The following CNTNAP4 variants were observed in gnomAD, a reference collection of about 807,000 sequenced individuals.
CNTNAP4 encodes contactin associated protein family member 4.
In CNTNAP4, 98 loss-of-function variants were observed where a neutral mutation model predicts 148.4. The observed-to-expected ratio is 0.66, with a 90% confidence interval of 0.56 to 0.78. The LOEUF is 0.78. CNTNAP4 is among the 30% of genes least tolerant of loss of function. The pLI, the probability that CNTNAP4 is intolerant of heterozygous loss-of-function variation, is 0.00. For synonymous variants in CNTNAP4, 730 were observed against 565.1 expected (o/e 1.29, Z -4.14); for missense variants, 1,935 against 1,565.6 (o/e 1.24, Z -3.98).
At chr16:76,436,956 A>G (rs2079850173) in intron 4 of CNTNAP4, among the ~76,000 whole-genome samples, 1 of 85,036 alleles carries the variant, frequency 1.2e-5, no homozygotes. Context: ...TCTGACTAAT[A>G]CAGAATATCT....
chr16:76,325,860 T>G (rs1444187088), intron 2 of CNTNAP4, among the ~76,000 whole-genome samples: 1 of 152,156 alleles, frequency 6.6e-6, no homozygotes, highest in Non-Finnish European at 1.5e-5. Flanking sequence ...AACTTTCTGC[T>G]AATTTTGAGA....
chr16:76,476,825 T>G lies in CNTNAP4; in HGVS notation c.1762+780T>G, dbSNP rs115339588. Among the ~76,000 whole-genome samples the G allele has an allele frequency of 6.8e-3, 1,029 of 152,292 alleles. 13 individuals are homozygous for G. The highest frequency in any genetic ancestry group is 0.023 in the African/African-American group (970 of 41,556). ...CCATATTGGGGACTAGGTTTCAACA[T>G]ACACGTTTTGAGGGGACACAAACCT... On this transcript the variant is annotated intron_variant, in intron 11 of 23. Coordinates refer to ENST00000611870, the MANE Select transcript of CNTNAP4 (RefSeq NM_033401.5).
At chr16:76,280,569 G>T (rs138148367) in intron 1 of CNTNAP4, among the ~76,000 whole-genome samples, 22 of 152,156 alleles carry the variant, frequency 1.4e-4, no homozygotes, top group African/African-American at 4.8e-4. Context: ...AATGAACCAC[G>T]CTCCCTGCCT....
chr16:76,525,762 T>TATAG (rs2083703042), intron 17 of CNTNAP4, among the ~76,000 whole-genome samples: 1 of 100,262 alleles, frequency 1.0e-5, no homozygotes, highest in Non-Finnish European at 2.1e-5. Flanking sequence ...AGCTTATATA[T>TATAG]AAACAGTATA....
At chr16:76,304,997 A>G (rs761136680) in intron 1 of CNTNAP4, among the ~76,000 whole-genome samples, 1 of 152,162 alleles carries the variant, frequency 6.6e-6, no homozygotes, top group Admixed American at 6.6e-5. Flanking sequence ...CAGTTTGTTT[A>G]ATCACTCACC....
chr16:76,331,479 C>T (rs1012021722), intron 2 of CNTNAP4, among the ~76,000 whole-genome samples: 2 of 150,480 alleles, frequency 1.3e-5, no homozygotes, highest in African/African-American at 2.4e-5. Context: ...TGAGCTACCA[C>T]GGCCGGCCTG....
intron 8 of CNTNAP4, among the ~76,000 whole-genome samples, chr16:76,460,990 C>T (rs2080939668): frequency 6.6e-6 from 1 of 151,348 alleles, no homozygotes; most frequent in Non-Finnish European, 1.5e-5. Context: ...ATGTGTGTTT[C>T]TGTTTAAGGA....
At chr16:76,406,766 G>A (rs1409010926) in intron 3 of CNTNAP4, among the ~76,000 whole-genome samples, 1 of 152,112 alleles carries the variant, frequency 6.6e-6, no homozygotes, top group Non-Finnish European at 1.5e-5. Flanking sequence ...ATTCTATGAA[G>A]GCTGAGAGAG....
At chr16:76,365,443 A>G (rs2013992259) in intron 3 of CNTNAP4, among the ~76,000 whole-genome samples, 1 of 152,100 alleles carries the variant, frequency 6.6e-6, no homozygotes, top group African/African-American at 2.4e-5. Flanking sequence ...TTTGAAGTGG[A>G]TACAATTATA....
At chr16:76,319,596 A>T (rs573661336) in intron 2 of CNTNAP4, among the ~76,000 whole-genome samples, 1 of 152,154 alleles carries the variant, frequency 6.6e-6, no homozygotes, top group South Asian at 2.1e-4. Flanking sequence ...AGATGAGGCC[A>T]TACTGGATTA....
chr16:76,368,562 C>A (rs188182394), intron 3 of CNTNAP4, among the ~76,000 whole-genome samples: 1 of 151,934 alleles, frequency 6.6e-6, no homozygotes, highest in East Asian at 1.9e-4. Flanking sequence ...CTCAGCAAAC[C>A]AACACAGGAA....
intron 13 of CNTNAP4, among the ~76,000 whole-genome samples, chr16:76,494,541 T>G (rs1001803627): frequency 2.6e-5 from 4 of 152,170 alleles, no homozygotes; most frequent in African/African-American, 9.7e-5. Context: ...TGCTTTGGTA[T>G]GTTAATTACT....
chr16:76,497,904 A>G (rs1055680178), intron 14 of CNTNAP4, among the ~76,000 whole-genome samples: 3 of 152,190 alleles, frequency 2.0e-5, no homozygotes, highest in Non-Finnish European at 4.4e-5. Flanking sequence ...GGGGGAAACA[A>G]AAGAAATAGC....
rs563708477 is a variant in CNTNAP4, at chr16:76,559,692, A to G, written c.*1009A>G. On this transcript the variant is annotated 3_prime_UTR_variant, in exon 24 of 24. Transcript: ENST00000611870. ...ACAAACTTCGCCTTGATCTTCAATGATTATACTTCACGAATCATCTTATAT... is the reference window on the plus strand; with the variant it reads ...ACAAACTTCGCCTTGATCTTCAATGGTTATACTTCACGAATCATCTTATAT... Among the ~76,000 whole-genome samples, 1 of 152,280 alleles carries G rather than the reference A, an allele frequency of 6.6e-6. No homozygotes were observed. The highest frequency in any genetic ancestry group is 6.5e-5 in the Admixed American group (1 of 15,294).
At chr16:76,369,609 A>G (rs1471973985) in intron 3 of CNTNAP4, among the ~76,000 whole-genome samples, 2 of 152,242 alleles carry the variant, frequency 1.3e-5, no homozygotes, top group East Asian at 1.9e-4. Flanking sequence ...TGGGAAGCCA[A>G]GGTGGGAGGA....
At chr16:76,317,497 A>G (rs1272237067) in intron 2 of CNTNAP4, among the ~76,000 whole-genome samples, 1 of 152,222 alleles carries the variant, frequency 6.6e-6, no homozygotes, top group Non-Finnish European at 1.5e-5. Flanking sequence ...CTGCACATGC[A>G]TTGGAGGAAA....
chr16:76,489,031 CAT>C (rs765295714), intron 12 of CNTNAP4, among the ~76,000 whole-genome samples: 1 of 152,088 alleles, frequency 6.6e-6, no homozygotes, highest in Non-Finnish European at 1.5e-5. Flanking sequence ...GTCCAGATCA[CAT>C]GATATCAAAA....
At chr16:76,552,725 T>C (rs1049446515) in intron 21 of CNTNAP4, among the ~76,000 whole-genome samples, 1 of 152,158 alleles carries the variant, frequency 6.6e-6, no homozygotes, top group South Asian at 2.1e-4. Context: ...AGGTATGGCC[T>C]CCACTGCATG....
At chr16:76,477,579 C>G (rs1390402483) in intron 11 of CNTNAP4, among the ~76,000 whole-genome samples, 1 of 152,104 alleles carries the variant, frequency 6.6e-6, no homozygotes, top group African/African-American at 2.4e-5. Context: ...TCTCTCAGCT[C>G]TACCACTGTT....
Sources: allele counts gnomAD v4.1 joint callset (sites outside exome capture counted in the v4.1 genomes callset), GRCh38; gene constraint gnomAD v4.1.1; transcripts MANE v1.5; gene names NCBI Gene and HGNC (gene_info 2026-07-23, HGNC 2026-07-21).